The following SRRM4 variants were observed in gnomAD, a reference collection of about 807,000 sequenced individuals.
The protein encoded by SRRM4 is serine/arginine repetitive matrix protein 4.
A neutral mutation model predicts 68.9 loss-of-function variants in SRRM4; 33 were observed. The ratio of observed to expected loss-of-function variants is 0.48; its 90% CI spans 0.36 to 0.64. The LOEUF is 0.64. Among genes scored for constraint, SRRM4 ranks in the 30% least tolerant of loss-of-function variants. The pLI, the probability that SRRM4 is intolerant of heterozygous loss-of-function variation, is 0.00. For synonymous variants in SRRM4, 318 were observed against 318.8 expected (o/e 1.00, Z 0.03); for missense variants, 817 against 827.1 (o/e 0.99, Z 0.15).
chr12:119,062,272 C>T (rs755973079), intron 1 of SRRM4, among the ~76,000 whole-genome samples: 1 of 152,162 alleles, frequency 6.6e-6, no homozygotes, highest in Non-Finnish European at 1.5e-5. Context: ...GGGAGTTGCT[C>T]CTGGTGAGCC....
chr12:119,020,096 T>A (rs2136001312), intron 1 of SRRM4, among the ~76,000 whole-genome samples: 1 of 152,060 alleles, frequency 6.6e-6, no homozygotes, highest in Non-Finnish European at 1.5e-5. Flanking sequence ...ACTCCAGCCC[T>A]CACTTTCCTT....
intron 1 of SRRM4, among the ~76,000 whole-genome samples, chr12:119,006,835 G>A (rs1402286772): frequency 1.3e-5 from 2 of 152,240 alleles, no homozygotes; most frequent in East Asian, 1.9e-4. Flanking sequence ...GCTCCTGCTG[G>A]AGATGGGCAT....
intron 1 of SRRM4, among the ~76,000 whole-genome samples, chr12:119,094,642 A>G (rs1954032379): frequency 6.6e-6 from 1 of 151,890 alleles, no homozygotes; most frequent in Non-Finnish European, 1.5e-5. Context: ...TTCCTGACCA[A>G]TTTCTATTCA....
In SRRM4 at chr12:119,002,461, C is replaced by T. The variant is rs1953390943; in HGVS notation, c.131+20448C>T. Among the ~76,000 whole-genome samples, 2 of 152,152 alleles carry T rather than the reference C, an allele frequency of 1.3e-5. 1 individual carries two copies. The highest frequency in any genetic ancestry group is 4.8e-5 in the African/African-American group (2 of 41,448). On this transcript the variant is annotated intron_variant, in intron 1 of 12. Coordinates refer to ENST00000267260, the MANE Select transcript of SRRM4 (RefSeq NM_194286.4). ...TGAGGGTATGGGATGGATTCATTCT[C>T]TCCAAATTCTTGAGGATTCTGAGAA...
chr12:119,115,271 C>T (rs1368457181), intron 3 of SRRM4, among the ~76,000 whole-genome samples: 4 of 152,000 alleles, frequency 2.6e-5, no homozygotes, highest in Non-Finnish European at 4.4e-5. Flanking sequence ...CAGCTATTGA[C>T]TCTTTGGTAT....
intron 1 of SRRM4, among the ~76,000 whole-genome samples, chr12:119,074,717 A>G (rs1166438055): frequency 4.6e-5 from 7 of 152,016 alleles, no homozygotes; most frequent in Admixed American, 3.9e-4. Flanking sequence ...ACACAATGAC[A>G]TTTTTTAAAC....
chr12:119,091,128 T>C (rs2136036712), intron 1 of SRRM4, among the ~76,000 whole-genome samples: 1 of 152,330 alleles, frequency 6.6e-6, no homozygotes, highest in Middle Eastern at 3.4e-3. Context: ...AGTGTGTGTG[T>C]GTCTGCAGAG....
Position 119,010,613 on chromosome 12 carries a change from T to C in SRRM4, c.131+28600T>C, listed in dbSNP as rs144113921. ...ACATTGCTGTTAGGAGTGTAAACTG[T>C]TGCAGCCTTTTGGGAATATGATATT... On this transcript the variant is annotated intron_variant, in intron 1 of 12. Coordinates refer to ENST00000267260, the MANE Select transcript of SRRM4 (RefSeq NM_194286.4). 5.1e-3 allele frequency among the ~76,000 whole-genome samples: 779 copies of C among 152,346 alleles called. 8 individuals carry two copies. The highest frequency in any genetic ancestry group is 0.017 in the African/African-American group (725 of 41,584).
chr12:119,013,902 C>T (rs568425511), intron 1 of SRRM4, among the ~76,000 whole-genome samples: 83 of 150,384 alleles, frequency 5.5e-4, no homozygotes, highest in Non-Finnish European at 9.3e-4. Context: ...TGTCTCATTG[C>T]CCACCCCAAA....
intron 1 of SRRM4, among the ~76,000 whole-genome samples, chr12:118,993,677 T>A (rs1045844189): frequency 1.3e-5 from 2 of 152,054 alleles, no homozygotes; most frequent in African/African-American, 4.8e-5. Context: ...GAAGTAGGGG[T>A]GGCCTCAAGA....
intron 4 of SRRM4, among the ~76,000 whole-genome samples, chr12:119,117,881 C>T (rs1954191465): frequency 6.6e-6 from 1 of 152,146 alleles, no homozygotes. Flanking sequence ...CATTGCACTC[C>T]AGCCTGGCAG....
At chr12:118,986,098 A>G (rs1953280392) in intron 1 of SRRM4, among the ~76,000 whole-genome samples, 2 of 152,168 alleles carry the variant, frequency 1.3e-5, no homozygotes, top group Non-Finnish European at 2.9e-5. Flanking sequence ...ATAAAGGGAA[A>G]TTGTAAGGCA....
At chr12:119,086,024 T>C (rs1172955605) in intron 1 of SRRM4, among the ~76,000 whole-genome samples, 5 of 152,130 alleles carry the variant, frequency 3.3e-5, no homozygotes, top group African/African-American at 9.7e-5. Flanking sequence ...CAAGCCTCTT[T>C]AGGAAAAAGA....
intron 8 of SRRM4, among the ~76,000 whole-genome samples, chr12:119,131,948 G>A (rs143008756): frequency 3.9e-5 from 6 of 152,308 alleles, no homozygotes; most frequent in African/African-American, 1.4e-4. Context: ...GGGTGCTTGT[G>A]GGGATGTCAA....
At chr12:119,117,117 A>G in intron 4 of SRRM4, 109 bp downstream of exon 4, 1 of 908,508 alleles carries the variant, frequency 1.1e-6, no homozygotes, top group Non-Finnish European at 1.8e-6. Context: ...ATGTAAAACA[A>G]TTATCTATGT....
rs148834326 is a variant in SRRM4, at chr12:119,135,832, A to G, written c.771+4998A>G. 2.0e-3 allele frequency among the ~76,000 whole-genome samples: 310 copies of G among 152,292 alleles called. 1 individual carries two copies. Among genetic ancestry groups the G allele is most frequent in the African/African-American group, 6.4e-3 (267 of 41,546 alleles). ...CAGGGAGTCTGACCTCAGAGTCCACATGTTTAATTACATGACCTCCTCTGT... is the reference window on the plus strand; with the variant it reads ...CAGGGAGTCTGACCTCAGAGTCCACGTGTTTAATTACATGACCTCCTCTGT... On this transcript the variant is annotated intron_variant, in intron 8 of 12. Transcript: ENST00000267260.
chr12:119,055,597 C>T (rs1220449601), intron 1 of SRRM4, among the ~76,000 whole-genome samples: 2 of 152,180 alleles, frequency 1.3e-5, no homozygotes, highest in African/African-American at 4.8e-5. Flanking sequence ...TGCTATGTGC[C>T]AAGCACTGTG....
At chr12:119,025,436 T>G (rs7296931) in intron 1 of SRRM4, among the ~76,000 whole-genome samples, 7,313 of 151,160 alleles carry the variant, frequency 0.048, 230 homozygotes, top group African/African-American at 0.078. Context: ...GAGTTTTTTT[T>G]TTTGTTTGTT....
At chr12:118,990,883 G>A (rs1011181175) in intron 1 of SRRM4, among the ~76,000 whole-genome samples, 2 of 152,018 alleles carry the variant, frequency 1.3e-5, no homozygotes, top group Non-Finnish European at 1.5e-5. Flanking sequence ...GCAGTGGTGC[G>A]AACTCAGCTC....
Sources: gnomAD v4.1 joint callset for allele counts (sites outside exome capture counted in the v4.1 genomes callset) on GRCh38, gnomAD v4.1.1 for gene constraint, MANE v1.5 for transcripts, NCBI Gene and HGNC (gene_info 2026-07-23, HGNC 2026-07-21) for gene names.